CREB5: variants seen among roughly 807,000 people sequenced by gnomAD.
The protein encoded by CREB5 is cAMP responsive element binding protein 5.
A neutral mutation model predicts 57.1 loss-of-function variants in CREB5; 19 were observed. That is an observed-to-expected ratio of 0.33 (90% CI 0.23 to 0.49). The LOEUF is 0.49. CREB5 is among the 20% of genes least tolerant of loss of function. The pLI is 0.99. For synonymous variants in CREB5, 238 were observed against 238.3 expected (o/e 1.00, Z 0.01); for missense variants, 579 against 671.6 (o/e 0.86, Z 1.52).
intron 4 of CREB5, among the ~76,000 whole-genome samples, chr7:28,536,436 C>T (rs1793970085): frequency 6.6e-6 from 1 of 152,186 alleles, no homozygotes; most frequent in Non-Finnish European, 1.5e-5. Context: ...CTCTGAAGCT[C>T]AGTGATTCTC....
At chr7:28,681,747 T>C (rs1800605717) in intron 5 of CREB5, among the ~76,000 whole-genome samples, 1 of 152,220 alleles carries the variant, frequency 6.6e-6, no homozygotes, top group Admixed American at 6.5e-5. Context: ...CCCAGTCTGG[T>C]AGCCCAGCAA....
intron 5 of CREB5, among the ~76,000 whole-genome samples, chr7:28,682,748 T>C (rs538926900): frequency 3.0e-4 from 46 of 152,274 alleles, no homozygotes; most frequent in African/African-American, 9.6e-4. Flanking sequence ...TTTGCTATGT[T>C]TCTCATAACG....
At chr7:28,464,502 T>TGC (rs1406030729) in intron 1 of CREB5, among the ~76,000 whole-genome samples, 9 of 137,040 alleles carry the variant, frequency 6.6e-5, no homozygotes, top group African/African-American at 2.5e-4. Flanking sequence ...GTTGCGTGTG[T>TGC]GTGTGTGTGT....
intron 7 of CREB5, among the ~76,000 whole-genome samples, chr7:28,802,078 GAAA>G (rs35658848): frequency 1.1e-4 from 3 of 26,650 alleles, no homozygotes; most frequent in African/African-American, 1.4e-4. Flanking sequence ...GACTCCATCT[GAAA>G]AAAAAAAAAA....
intron 1 of CREB5, among the ~76,000 whole-genome samples, chr7:28,336,022 C>A (rs1165940242): frequency 6.6e-6 from 1 of 151,936 alleles, no homozygotes; most frequent in African/African-American, 2.4e-5. Context: ...TATGTTGAAC[C>A]ATCCTTGTAC....
In CREB5 at chr7:28,400,361, T is replaced by C. The variant is rs994860710; in HGVS notation, c.-24-94545T>C. 2.0e-5 allele frequency among the ~76,000 whole-genome samples: 3 copies of C among 152,206 alleles called. No homozygotes were observed. In the South Asian group the frequency reaches 6.2e-4, roughly 31 times the overall value. ...TCAGGATTAAACATGATGGAAGATATAACAGGCTTGACCCAGAGTGGGTGC... is the reference window on the plus strand; with the variant it reads ...TCAGGATTAAACATGATGGAAGATACAACAGGCTTGACCCAGAGTGGGTGC... On this transcript the variant is annotated intron_variant, in intron 1 of 9. Transcript: ENST00000396299.
At chr7:28,458,365 G>A (rs1266993854) in intron 1 of CREB5, among the ~76,000 whole-genome samples, 1 of 152,194 alleles carries the variant, frequency 6.6e-6, no homozygotes, top group Non-Finnish European at 1.5e-5. Flanking sequence ...CAGAATTGGG[G>A]CCTAGCTTCA....
chr7:28,651,685 C>T (rs1394236858), intron 5 of CREB5, among the ~76,000 whole-genome samples: 1 of 152,198 alleles, frequency 6.6e-6, no homozygotes, highest in Non-Finnish European at 1.5e-5. Flanking sequence ...CAGACGTAAG[C>T]TTTTGCTGAA....
intron 5 of CREB5, among the ~76,000 whole-genome samples, chr7:28,599,188 T>G (rs1417888261): frequency 6.6e-6 from 1 of 152,118 alleles, no homozygotes; most frequent in Non-Finnish European, 1.5e-5. Flanking sequence ...CTTAAGCCTC[T>G]CAAAGTTTAA....
At chr7:28,701,774 G>T (rs1801872231) in intron 5 of CREB5, among the ~76,000 whole-genome samples, 1 of 152,082 alleles carries the variant, frequency 6.6e-6, no homozygotes, top group Admixed American at 6.6e-5. Flanking sequence ...AAATATAATT[G>T]ATTTTTTACC....
At chr7:28,348,362 G>A (rs1052418274) in intron 1 of CREB5, among the ~76,000 whole-genome samples, 10 of 149,930 alleles carry the variant, frequency 6.7e-5, no homozygotes, top group South Asian at 2.1e-4. Flanking sequence ...ATCAACATGC[G>A]CCTGCTTTCT....
chr7:28,780,998 T>A (rs1466565096), intron 7 of CREB5, among the ~76,000 whole-genome samples: 2 of 152,252 alleles, frequency 1.3e-5, no homozygotes, highest in Non-Finnish European at 2.9e-5. Flanking sequence ...ATTGTGTTAT[T>A]TCTGTAACTT....
At chr7:28,782,493 G>T (rs778079983) in intron 7 of CREB5, among the ~76,000 whole-genome samples, 6 of 152,132 alleles carry the variant, frequency 3.9e-5, no homozygotes, top group Non-Finnish European at 8.8e-5. Context: ...AAAATAAAAA[G>T]AAGAAATGAA....
chr7:28,702,934 GGAAA>G (rs1249014625), intron 5 of CREB5, among the ~76,000 whole-genome samples: 1 of 152,178 alleles, frequency 6.6e-6, no homozygotes, highest in African/African-American at 2.4e-5. Flanking sequence ...CCCTGGGGTG[GGAAA>G]GAGTGTGGCA....
At chr7:28,556,912 G>A (rs933617311) in intron 4 of CREB5, among the ~76,000 whole-genome samples, 6 of 152,138 alleles carry the variant, frequency 3.9e-5, no homozygotes, top group East Asian at 1.9e-4. Context: ...CTCTGGCCAC[G>A]TGCCCTCTCC....
At chr7:28,335,709 A>G (rs1300903239) in intron 1 of CREB5, among the ~76,000 whole-genome samples, 1 of 151,820 alleles carries the variant, frequency 6.6e-6, no homozygotes, top group African/African-American at 2.4e-5. Flanking sequence ...CTCTTGTCTG[A>G]TTGCTCTAGC....
rs985685332 is a variant in CREB5, at chr7:28,798,074, T to A, written c.703-6125T>A. Among the ~76,000 whole-genome samples, 27 of 152,314 alleles carry A rather than the reference T, an allele frequency of 1.8e-4. No homozygotes were observed. In the East Asian group the frequency reaches 4.1e-3, roughly 23 times the overall value. On this transcript the variant is annotated intron_variant, in intron 7 of 10. Transcript: ENST00000357727. ...TTGTCATATTTGTATGTAGAGAGCCTCTTACTTCTGTGGTCAACCCAGAAA... is the reference window on the plus strand; with the variant it reads ...TTGTCATATTTGTATGTAGAGAGCCACTTACTTCTGTGGTCAACCCAGAAA...
intron 5 of CREB5, among the ~76,000 whole-genome samples, chr7:28,577,315 T>G (rs1230324778): frequency 6.6e-6 from 1 of 152,194 alleles, no homozygotes; most frequent in Non-Finnish European, 1.5e-5. Context: ...CTCTAGATTA[T>G]CTGACCTCCT....
chr7:28,560,943 T>TGTGC (rs1554344506), intron 4 of CREB5, among the ~76,000 whole-genome samples: 360 of 33,138 alleles, frequency 0.011, 30 homozygotes, highest in Non-Finnish European at 0.013. Flanking sequence ...TGTGCGTGCG[T>TGTGC]GTGTGTGCGT....
Sources: allele counts gnomAD v4.1 joint callset (sites outside exome capture counted in the v4.1 genomes callset), GRCh38; gene constraint gnomAD v4.1.1; transcripts MANE v1.5; gene names NCBI Gene and HGNC (gene_info 2026-07-23, HGNC 2026-07-21).